The following FAM167B variants were observed in gnomAD, a reference collection of about 807,000 sequenced individuals.
The protein encoded by FAM167B is protein FAM167B.
In FAM167B, 7 loss-of-function variants were observed where a neutral mutation model predicts 15.4. The ratio of observed to expected loss-of-function variants is 0.46; its 90% CI spans 0.26 to 0.86. The LOEUF (loss-of-function observed/expected upper bound fraction) is 0.86, where lower values mean the gene tolerates loss of function less well. Among genes scored for constraint, FAM167B ranks in the 40% least tolerant of loss-of-function variants. The pLI, the probability that FAM167B is intolerant of heterozygous loss-of-function variation, is 0.17. For missense variants in FAM167B, 207 were observed against 208.3 expected, an observed-to-expected ratio of 0.99 and a Z score of 0.04; for synonymous variants, 100 against 94.6, an observed-to-expected ratio of 1.06 and a Z score of -0.33.
chr1:32,248,697 CA>C lies in FAM167B; in HGVS notation c.*97del. The C allele has an allele frequency of 9.2e-7, 1 of 1,081,244 alleles. No homozygotes were observed. Among genetic ancestry groups the C allele is most frequent in the Non-Finnish European group, 1.3e-6 (1 of 775,238 alleles). The allele number at this position is 1,081,244 out of a possible 1,614,324, so 67.0% of individuals were successfully genotyped here. A position where few individuals can be genotyped will look rare whatever the true frequency, so the allele number is the denominator to read the frequency against. ...AAAGGGAGGGGTGCCCCAGAGGCAC[CA>C]GCTCCTGGCGGGGGAGGAGGAACAT... On this transcript the variant is annotated 3_prime_UTR_variant, in exon 2 of 2. Coordinates refer to ENST00000373582, the MANE Select transcript of FAM167B (RefSeq NM_032648.3).
intron 1 of FAM167B, 72 bp downstream of exon 1, chr1:32,247,754 G>A: frequency 7.2e-7 from 1 of 1,381,584 alleles, no homozygotes; most frequent in Non-Finnish European, 9.5e-7. Flanking sequence ...AAGACCACAG[G>A]CATGGGGAAG....
intron 1 of FAM167B, 122 bp from the exon 2 acceptor site, chr1:32,248,249 G>A (rs1639434324): frequency 2.6e-6 from 2 of 769,506 alleles, no homozygotes; most frequent in Admixed American, 2.9e-5. Flanking sequence ...GAGAGATCAA[G>A]CTGAGGTGAG....
chr1:32,247,278 A>T lies in FAM167B; in HGVS notation c.-144A>T. ...CACCCTGGCACATTCAGCCCCCCTA[A>T]CCCACCTTGAACATTGACCACCACA... is the stretch of plus-strand genomic sequence containing the variant. On this transcript the variant is annotated 5_prime_UTR_variant, in exon 1 of 2. Transcript: ENST00000373582. The T allele has an allele frequency of 1.8e-6, 2 of 1,140,878 alleles. No individual in the cohort carries two copies. The highest frequency in any genetic ancestry group is 2.9e-5 in the East Asian group (1 of 34,950). The allele number at this position is 1,140,878 out of a possible 1,614,324, so 70.7% of individuals were successfully genotyped here. A position where few individuals can be genotyped will look rare whatever the true frequency, so the allele number is the denominator to read the frequency against.
intron 1 of FAM167B, 34 bp from the exon 2 acceptor site, chr1:32,248,337 T>C: frequency 6.6e-7 from 1 of 1,514,136 alleles, no homozygotes; most frequent in Non-Finnish European, 8.8e-7. Context: ...GCCGAGGGCC[T>C]GTCCAGTAGG....
chr1:32,248,413 C>A lies in FAM167B; in HGVS notation c.304C>A (p.Leu102Met). 1 of 1,598,438 alleles carries A rather than the reference C, an allele frequency of 6.3e-7. No homozygotes were observed. Residue 102 changes from leucine to methionine, a missense_variant, in exon 2 of 2, where the codon CTG becomes ATG. Coordinates refer to ENST00000373582, the MANE Select transcript of FAM167B (RefSeq NM_032648.3). ...GGACAGGCAGCTGGCAGGGCAGCTGCTGCGGCTGCGGGCCCAGCTGCACCG... is the reference window on the plus strand; with the variant it reads ...GGACAGGCAGCTGGCAGGGCAGCTGATGCGGCTGCGGGCCCAGCTGCACCG... Reference protein sequence around the residue: ...AQDRQLAGQLLRLRAQLHRLK... With the variant: ...AQDRQLAGQLMRLRAQLHRLK...
In FAM167B at chr1:32,248,613, GC is replaced by G. The variant is rs1037328985; in HGVS notation, c.*18del. 11 of 1,519,194 alleles carry G rather than the reference GC, an allele frequency of 7.2e-6. No individual in the cohort carries two copies. The highest frequency in any genetic ancestry group is 9.7e-6 in the Non-Finnish European group (11 of 1,134,640). 94.1% of individuals were successfully genotyped at this position (1,519,194 alleles called of 1,614,324 possible). On this transcript the variant is annotated 3_prime_UTR_variant, in exon 2 of 2. Transcript: ENST00000373582. ...TCACCCTCTGCTGAGGAACACCTGT[GC>G]CCCCCGACTCCCCGCCCCCTCTCCC...
rs1263324506 is a variant in FAM167B, at chr1:32,248,384, CGCAGGACAGGCAGCTG to C, written c.281_296del (p.Asp94GlyfsTer13). 1 of 1,581,384 alleles carries C rather than the reference CGCAGGACAGGCAGCTG, an allele frequency of 6.3e-7. No individual in the cohort carries two copies. Among genetic ancestry groups the C allele is most frequent in the Admixed American group, 1.8e-5 (1 of 55,066 alleles). Reference sequence around the variant, plus strand: ...TCTCGGCCGCAGCGGGAGATGCAGGCGCAGGACAGGCAGCTGGCAGGGCAGCTGCTGCGGCTGCGGG... The same window carrying C: ...TCTCGGCCGCAGCGGGAGATGCAGGCGCAGGGCAGCTGCTGCGGCTGCGGG... On this transcript the variant is annotated frameshift_variant, in exon 2 of 2. Coordinates refer to ENST00000373582, the MANE Select transcript of FAM167B (RefSeq NM_032648.3). LOFTEE classifies it high-confidence loss of function.
chr1:32,248,851 T>G lies in FAM167B; in HGVS notation c.*250T>G. The G allele has an allele frequency of 1.8e-6, 1 of 554,114 alleles. No homozygotes were observed. 34.3% of individuals were successfully genotyped at this position (554,114 alleles called of 1,614,324 possible). ...ACTCCTCAATAAACGCTTTCTCTGG[T>G]TCCCATCAAGGTCTCTTGCAGTCGT... On this transcript the variant is annotated 3_prime_UTR_variant, in exon 2 of 2. Coordinates refer to ENST00000373582, the MANE Select transcript of FAM167B (RefSeq NM_032648.3).
At position 32,248,408 on chromosome 1, in the gene FAM167B, A is replaced by C; in HGVS notation, c.299A>C (p.Gln100Pro). 1 of 1,597,010 alleles carries C rather than the reference A, an allele frequency of 6.3e-7. No individual in the cohort carries two copies. Among genetic ancestry groups the C allele is most frequent in the Non-Finnish European group, 8.5e-7 (1 of 1,176,024 alleles). Residue 100 changes from glutamine to proline, a missense_variant, in exon 2 of 2, where the codon CAG (glutamine) becomes CCG (proline). Physicochemically the swap from Gln to Pro is moderately conservative, Grantham distance 76. Transcript: ENST00000373582. ...MQAQDRQLAG[Q>P]LLRLRAQLHR... Reference sequence around the variant, plus strand: ...GCGCAGGACAGGCAGCTGGCAGGGCAGCTGCTGCGGCTGCGGGCCCAGCTG... The same window carrying C: ...GCGCAGGACAGGCAGCTGGCAGGGCCGCTGCTGCGGCTGCGGGCCCAGCTG...
chr1:32,247,281 C>A lies in FAM167B; in HGVS notation c.-141C>A. On this transcript the variant is annotated 5_prime_UTR_variant, in exon 1 of 2. Coordinates refer to ENST00000373582, the MANE Select transcript of FAM167B (RefSeq NM_032648.3). ...CCTGGCACATTCAGCCCCCCTAACC[C>A]ACCTTGAACATTGACCACCACACAC... 1 of 1,175,054 alleles carries A rather than the reference C, an allele frequency of 8.5e-7. No homozygotes were observed. The highest frequency in any genetic ancestry group is 1.1e-6 in the Non-Finnish European group (1 of 872,226). 72.8% of individuals were successfully genotyped at this position (1,175,054 alleles called of 1,614,324 possible). A position where few individuals can be genotyped will look rare whatever the true frequency, so the allele number is the denominator to read the frequency against.
In FAM167B at chr1:32,248,473, G is replaced by C; in HGVS notation, c.364G>C (p.Glu122Gln). The C allele has an allele frequency of 6.2e-7, 1 of 1,603,902 alleles. No homozygotes were observed. Among genetic ancestry groups the C allele is most frequent in the Non-Finnish European group, 8.5e-7 (1 of 1,176,956 alleles). The change falls in exon 2 of 2, where the codon GAG becomes CAG. Residue 122 changes from glutamate to glutamine, a missense_variant. Coordinates refer to ENST00000373582, the MANE Select transcript of FAM167B (RefSeq NM_032648.3). The part of the protein sequence containing the change: ...KMDQACHLHQ[E>Q]LLDEAELELE... ...GGACCAAGCCTGTCACCTGCACCAG[G>C]AGCTGCTGGATGAGGCCGAGCTGGA... is the stretch of plus-strand genomic sequence containing the variant.
chr1:32,248,534 C>T lies in FAM167B; in HGVS notation c.425C>T (p.Ala142Val). The T allele has an allele frequency of 6.4e-7, 1 of 1,562,910 alleles. No homozygotes were observed. The highest frequency in any genetic ancestry group is 1.2e-5 in the South Asian group (1 of 85,194). The stretch of plus-strand genomic sequence containing the variant: ...GAGCCCGGGGCCGGCCTAGCCCTGG[C>T]CCCGCTGCTGCGGCACCTGGGCCTC... Reference protein sequence around the residue: ...ELEPGAGLALAPLLRHLGLTR... With the variant: ...ELEPGAGLALVPLLRHLGLTR... Residue 142 changes from alanine to valine, a missense_variant, in exon 2 of 2, where the codon GCC becomes GTC. Ala to Val is a moderately conservative substitution (Grantham distance 64). Transcript: ENST00000373582.
At chr1:32,248,131 G>C (rs1020020375) in intron 1 of FAM167B, among the ~76,000 whole-genome samples, 3 of 152,238 alleles carry the variant, frequency 2.0e-5, no homozygotes, top group Non-Finnish European at 4.4e-5. Flanking sequence ...CCAACACAGA[G>C]ATTCTGCTTA....
At position 32,247,458 on chromosome 1, in the gene FAM167B, G is replaced by A; in HGVS notation, c.37G>A (p.Glu13Lys). Reference protein sequence around the residue: ...LGLLKFQAVGEEDEEDEEGES... With the variant: ...LGLLKFQAVGKEDEEDEEGES... ...GCTACTGAAATTCCAGGCAGTGGGT[G>A]AAGAGGACGAGGAGGATGAGGAGGG... is the stretch of plus-strand genomic sequence containing the variant. Residue 13 changes from glutamate to lysine, a missense_variant, in exon 1 of 2, where the codon GAA becomes AAA. Glu to Lys is a moderately conservative substitution (Grantham distance 56). Transcript: ENST00000373582. 2 of 1,578,688 alleles carry A rather than the reference G, an allele frequency of 1.3e-6. No individual in the cohort carries two copies. Among genetic ancestry groups the A allele is most frequent in the Non-Finnish European group, 1.7e-6 (2 of 1,161,756 alleles).
intron 1 of FAM167B, 64 bp from the exon 2 acceptor site, chr1:32,248,307 G>T: frequency 7.2e-7 from 1 of 1,387,930 alleles, no homozygotes; most frequent in East Asian, 2.5e-5. Context: ...GCGTTGCCAG[G>T]AAGGGAGAAA....
In FAM167B at chr1:32,247,648, T is replaced by C. The variant is rs761913159; in HGVS notation, c.227T>C (p.Met76Thr). The change falls in exon 1 of 2, where the codon ATG (methionine) becomes ACG (threonine). Residue 76 changes from methionine to threonine, a missense_variant. Met to Thr is a moderately conservative substitution (Grantham distance 81, BLOSUM62 -1). Transcript: ENST00000373582. ...GPGDICGFDS[M>T]DSALEWLRRE... Reference sequence around the variant, plus strand: ...GGGGACATCTGTGGTTTCGACTCAATGGACTCCGCCCTTGAGTGGCTCCGA... The same window carrying C: ...GGGGACATCTGTGGTTTCGACTCAACGGACTCCGCCCTTGAGTGGCTCCGA... 2 of 1,489,482 alleles carry C rather than the reference T, an allele frequency of 1.3e-6. No homozygotes were observed. The highest frequency in any genetic ancestry group is 2.8e-5 in the South Asian group (2 of 72,114). 92.3% of individuals were successfully genotyped at this position (1,489,482 alleles called of 1,614,324 possible). A position where few individuals can be genotyped will look rare whatever the true frequency, so the allele number is the denominator to read the frequency against.
Position 32,248,517 on chromosome 1 carries a change from G to A in FAM167B, c.408G>A (p.Gly136=), listed in dbSNP as rs537538868. 1.3e-5 allele frequency: 20 copies of A among 1,574,490 alleles called. No homozygotes were observed. In the East Asian group the frequency reaches 3.7e-4, roughly 29 times the overall value. ...AGCTGGAGCTGGAGCTGGAGCCCGG[G>A]GCCGGCCTAGCCCTGGCCCCGCTGC... is the stretch of plus-strand genomic sequence containing the variant. ...EAELELELEP[G]AGLALAPLLR... Residue 136 remains glycine, a synonymous_variant, in exon 2 of 2, where the codon GGG becomes GGA. Transcript: ENST00000373582.
intron 1 of FAM167B, among the ~76,000 whole-genome samples, chr1:32,248,066 A>G (rs561395811): frequency 2.6e-5 from 4 of 152,336 alleles, no homozygotes; most frequent in African/African-American, 9.6e-5. Flanking sequence ...GAAGAGGTGA[A>G]GTTTCAGTAG....
Position 32,248,683 on chromosome 1 carries a change from TG to T in FAM167B, c.*83del. 1 of 1,244,868 alleles carries T rather than the reference TG, an allele frequency of 8.0e-7. No individual in the cohort carries two copies. The highest frequency in any genetic ancestry group is 1.5e-5 in the South Asian group (1 of 65,134). The allele number at this position is 1,244,868 out of a possible 1,614,324, so 77.1% of individuals were successfully genotyped here. A position where few individuals can be genotyped will look rare whatever the true frequency, so the allele number is the denominator to read the frequency against. On this transcript the variant is annotated 3_prime_UTR_variant, in exon 2 of 2. Coordinates refer to ENST00000373582, the MANE Select transcript of FAM167B (RefSeq NM_032648.3). The stretch of plus-strand genomic sequence containing the variant: ...TGCCTGGGAAGAGGAAAGGGAGGGG[TG>T]CCCCAGAGGCACCAGCTCCTGGCGG...
Sources: gnomAD v4.1 joint callset for allele counts (sites outside exome capture counted in the v4.1 genomes callset) on GRCh38, gnomAD v4.1.1 for gene constraint, MANE v1.5 for transcripts, NCBI Gene and HGNC (gene_info 2026-07-23, HGNC 2026-07-21) for gene names.